Variants in HHAT observed in about 807,000 individuals in gnomAD.
HHAT encodes hedgehog acyltransferase.
In HHAT, 47 loss-of-function variants were observed where a neutral mutation model predicts 70.8. The observed-to-expected ratio is 0.66, with a 90% CI of 0.53 to 0.85. The LOEUF (loss-of-function observed/expected upper bound fraction) is 0.85, where lower values mean the gene tolerates loss of function less well. Among genes scored for constraint, HHAT ranks in the 40% least tolerant of loss-of-function variants. The probability of loss-of-function intolerance (pLI) is 0.00; values close to 1 mark genes in which losing one functional copy is unlikely to be tolerated. For missense variants in HHAT, 609 were observed against 604.8 expected (o/e 1.01, Z -0.07); for synonymous variants, 228 against 247.6 (o/e 0.92, Z 0.74).
chr1:210,426,198 C>A lies in HHAT; in HGVS notation c.856+7873C>A, dbSNP rs368906312. Among the ~76,000 whole-genome samples the A allele has an allele frequency of 3.3e-5, 5 of 152,158 alleles. No individual in the cohort carries two copies. The East Asian group carries it at 9.6e-4, about 29-fold the overall frequency. ...TGATTTTTGCACATTGATTTTGTATCCTGAGACTTTGCTGAAGTTGTTTAT... is the reference window on the plus strand; with the variant it reads ...TGATTTTTGCACATTGATTTTGTATACTGAGACTTTGCTGAAGTTGTTTAT... On this transcript the variant is annotated intron_variant, in intron 7 of 11. Coordinates refer to ENST00000261458, the MANE Select transcript of HHAT (RefSeq NM_018194.6).
intron 11 of HHAT, among the ~76,000 whole-genome samples, chr1:210,635,001 G>A (rs746157815): frequency 4.2e-4 from 64 of 152,160 alleles, no homozygotes; most frequent in Non-Finnish European, 8.4e-4. Context: ...ATAGTGCTTT[G>A]ATATATGCAT....
rs71146226 is a variant in HHAT, at chr1:210,494,542, C to CTTTTTT, written c.1008-18589_1008-18584dup. On this transcript the variant is annotated intron_variant, in intron 8 of 11. Transcript: ENST00000261458. The stretch of plus-strand genomic sequence containing the variant: ...AGATCAGGAGTTCAGTTTGAAATAG[C>CTTTTTT]TTTTTTTTTTTTTTTTTTTTTTTTT... Among the ~76,000 whole-genome samples the CTTTTTT allele has an allele frequency of 4.7e-4, 39 of 82,856 alleles. 5 individuals carry two copies. The highest frequency in any genetic ancestry group is 1.8e-3 in the African/African-American group (36 of 19,660). The allele number at this position is 82,856 out of a possible 152,430, so 54.4% of individuals were successfully genotyped here. A position where few individuals can be genotyped will look rare whatever the true frequency, so the allele number is the denominator to read the frequency against.
At chr1:210,665,825 A>T (rs1292994324) in intron 11 of HHAT, among the ~76,000 whole-genome samples, 1 of 152,232 alleles carries the variant, frequency 6.6e-6, no homozygotes, top group Non-Finnish European at 1.5e-5. Flanking sequence ...AAGTTTGAGA[A>T]TCTGCTAGCT....
chr1:210,605,591 A>G (rs1339366324), intron 10 of HHAT, among the ~76,000 whole-genome samples: 6 of 152,246 alleles, frequency 3.9e-5, no homozygotes, highest in African/African-American at 1.4e-4. Context: ...TGTGATGTTA[A>G]CAGTAGCCTT....
intron 11 of HHAT, among the ~76,000 whole-genome samples, chr1:210,656,187 C>T (rs1676373277): frequency 6.6e-6 from 1 of 152,130 alleles, no homozygotes; most frequent in African/African-American, 2.4e-5. Flanking sequence ...TTCCAGGTGA[C>T]CTCATGGTCT....
At chr1:210,553,225 C>T (rs990563774) in intron 9 of HHAT, among the ~76,000 whole-genome samples, 3 of 152,198 alleles carry the variant, frequency 2.0e-5, no homozygotes, top group Admixed American at 6.5e-5. Flanking sequence ...ACAGCAAGAA[C>T]AGCCAAGTCC....
At chr1:210,418,804 G>A (rs10863827) in intron 7 of HHAT, among the ~76,000 whole-genome samples, 40,889 of 151,952 alleles carry the variant, frequency 0.27, 5,696 homozygotes, top group African/African-American at 0.34. Context: ...AGGCTGAAGC[G>A]GGCAGATCAC....
intron 10 of HHAT, among the ~76,000 whole-genome samples, chr1:210,594,556 C>G (rs1662506430): frequency 6.6e-6 from 1 of 152,060 alleles, no homozygotes. Context: ...GTGTTTTAGT[C>G]TTTCTACTCA....
At chr1:210,499,507 T>C (rs1268958800) in intron 8 of HHAT, among the ~76,000 whole-genome samples, 2 of 152,088 alleles carry the variant, frequency 1.3e-5, no homozygotes, top group Admixed American at 6.6e-5. Flanking sequence ...GGCATGGTGA[T>C]GCATGCCTTT....
At chr1:210,520,715 A>G (rs934544202) in intron 9 of HHAT, among the ~76,000 whole-genome samples, 1 of 152,212 alleles carries the variant, frequency 6.6e-6, no homozygotes, top group African/African-American at 2.4e-5. Flanking sequence ...TAGGTTACAG[A>G]TTTAAAATCA....
At chr1:210,436,844 C>G (rs866112694) in intron 7 of HHAT, among the ~76,000 whole-genome samples, 1 of 151,816 alleles carries the variant, frequency 6.6e-6, no homozygotes, top group Non-Finnish European at 1.5e-5. Flanking sequence ...ACTCCTCTTT[C>G]ACTTGTTCTC....
intron 10 of HHAT, among the ~76,000 whole-genome samples, chr1:210,605,705 T>G (rs769263254): frequency 6.6e-6 from 1 of 152,160 alleles, no homozygotes; most frequent in Non-Finnish European, 1.5e-5. Flanking sequence ...ATGAATGCAA[T>G]AAGTAAATAA....
intron 9 of HHAT, among the ~76,000 whole-genome samples, chr1:210,530,205 G>A (rs2095299916): frequency 6.6e-6 from 1 of 152,082 alleles, no homozygotes; most frequent in Non-Finnish European, 1.5e-5. Context: ...CAAAACCTAT[G>A]CAACTTTGTC....
At chr1:210,659,000 C>T (rs936704037) in intron 11 of HHAT, among the ~76,000 whole-genome samples, 2 of 152,028 alleles carry the variant, frequency 1.3e-5, no homozygotes, top group South Asian at 2.1e-4. Context: ...GATCTAAAAT[C>T]GACATCCTAA....
At chr1:210,382,032 C>T (rs1402027715) in intron 3 of HHAT, among the ~76,000 whole-genome samples, 2 of 152,162 alleles carry the variant, frequency 1.3e-5, no homozygotes, top group African/African-American at 4.8e-5. Flanking sequence ...AGAATTTTAG[C>T]CATCTCTTGT....
At chr1:210,460,579 C>T (rs79988096) in intron 7 of HHAT, among the ~76,000 whole-genome samples, 25,986 of 152,000 alleles carry the variant, frequency 0.17, 2,611 homozygotes, top group South Asian at 0.23. Context: ...TTTAACAGAC[C>T]GTAACACTCT....
chr1:210,396,371 A>G (rs2091786942), intron 4 of HHAT, among the ~76,000 whole-genome samples: 1 of 152,186 alleles, frequency 6.6e-6, no homozygotes, highest in South Asian at 2.1e-4. Context: ...GATAAATTCA[A>G]ATTAAAACCA....
At chr1:210,568,231 G>C (rs2148726257) in intron 9 of HHAT, among the ~76,000 whole-genome samples, 1 of 152,322 alleles carries the variant, frequency 6.6e-6, no homozygotes, top group Admixed American at 6.5e-5. Context: ...ACATGTGAAG[G>C]CTCTTGGAGG....
At chr1:210,565,717 T>G (rs1305733912) in intron 9 of HHAT, among the ~76,000 whole-genome samples, 1 of 152,066 alleles carries the variant, frequency 6.6e-6, no homozygotes, top group African/African-American at 2.4e-5. Flanking sequence ...AGGCTGCCAG[T>G]TGGTGGGTTG....
Sources: allele counts gnomAD v4.1 joint callset (sites outside exome capture counted in the v4.1 genomes callset), GRCh38; gene constraint gnomAD v4.1.1; transcripts MANE v1.5; gene names NCBI Gene and HGNC (gene_info 2026-07-23, HGNC 2026-07-21).